LRRTM4: variants seen among roughly 807,000 people sequenced by gnomAD.
LRRTM4 encodes the protein leucine-rich repeat transmembrane neuronal protein 4.
Under a neutral mutation model 47.6 loss-of-function variants are expected in LRRTM4, and 25 were observed. The observed-to-expected ratio is 0.53, with a 90% CI of 0.38 to 0.73. The LOEUF (loss-of-function observed/expected upper bound fraction) is 0.73. LRRTM4 is among the 30% of genes least tolerant of loss of function. The pLI is 0.00. For missense variants in LRRTM4, 638 were observed against 713.4 expected (o/e 0.89, Z 1.20); for synonymous variants, 311 against 269.5 (o/e 1.15, Z -1.51).
intron 3 of LRRTM4, among the ~76,000 whole-genome samples, chr2:76,777,679 T>C (rs1280199159): frequency 6.6e-6 from 1 of 151,120 alleles, no homozygotes; most frequent in Non-Finnish European, 1.5e-5. Context: ...TGGGGTTTTC[T>C]AGATATACAA....
Position 77,521,824 on chromosome 2 carries a change from C to A in LRRTM4, c.-147-6G>T. On this transcript the variant is annotated splice_polypyrimidine_tract_variant and splice_region_variant and intron_variant, in intron 1 of 3. Coordinates refer to ENST00000409884, the MANE Select transcript of LRRTM4 (RefSeq NM_001134745.3). ...AGCTAGTAGCCCCATACAAACTTCC[C>A]CGAGAGGACAGGCAAAAAAAAAAAA... 1.8e-6 allele frequency: 1 copy of A among 542,614 alleles called. No individual in the cohort carries two copies. 33.6% of individuals were successfully genotyped at this position (542,614 alleles called of 1,614,324 possible). A position where few individuals can be genotyped will look rare whatever the true frequency, so the allele number is the denominator to read the frequency against.
intron 3 of LRRTM4, among the ~76,000 whole-genome samples, chr2:77,391,397 A>G (rs1673499382): frequency 6.6e-6 from 1 of 151,974 alleles, no homozygotes; most frequent in African/African-American, 2.4e-5. Context: ...TGTATATTTT[A>G]TTCATTAAAA....
intron 3 of LRRTM4, among the ~76,000 whole-genome samples, chr2:77,118,134 C>A (rs144737105): frequency 4.2e-4 from 64 of 151,922 alleles, no homozygotes; most frequent in African/African-American, 1.5e-3. Flanking sequence ...AAGGCCAGAG[C>A]TTTTGTCAAA....
chr2:77,084,687 A>T (rs565704780), intron 3 of LRRTM4, among the ~76,000 whole-genome samples: 154 of 152,302 alleles, frequency 1.0e-3, no homozygotes, highest in African/African-American at 3.6e-3. Context: ...TAACCTCTCT[A>T]AGCATCAGCT....
chr2:77,249,913 A>G (rs1292532752), intron 3 of LRRTM4, among the ~76,000 whole-genome samples: 1 of 152,240 alleles, frequency 6.6e-6, no homozygotes, highest in Non-Finnish European at 1.5e-5. Flanking sequence ...ACTTGAAAGC[A>G]ACTAAGATAC....
chr2:76,957,329 T>C (rs551097798), intron 3 of LRRTM4, among the ~76,000 whole-genome samples: 1 of 151,684 alleles, frequency 6.6e-6, no homozygotes, highest in Non-Finnish European at 1.5e-5. Flanking sequence ...TTTAGAGATA[T>C]GCTCTACAAC....
intron 3 of LRRTM4, among the ~76,000 whole-genome samples, chr2:77,031,280 T>TG (rs1268621509): frequency 3.9e-5 from 6 of 152,188 alleles, no homozygotes; most frequent in African/African-American, 7.2e-5. Context: ...TCATTAAGAA[T>TG]GGACTTCCAA....
intron 3 of LRRTM4, among the ~76,000 whole-genome samples, chr2:76,780,446 G>T (rs1172179606): frequency 6.6e-6 from 1 of 152,122 alleles, no homozygotes; most frequent in Admixed American, 6.5e-5. Context: ...ATTTCTTGGA[G>T]GCTTTGCTCA....
intron 3 of LRRTM4, among the ~76,000 whole-genome samples, chr2:76,871,307 C>G (rs1672617053): frequency 6.6e-6 from 1 of 152,106 alleles, no homozygotes; most frequent in Non-Finnish European, 1.5e-5. Flanking sequence ...GTTCAATCTT[C>G]TGATATTACA....
intron 3 of LRRTM4, among the ~76,000 whole-genome samples, chr2:77,179,508 T>C (rs1332677588): frequency 6.6e-6 from 1 of 152,168 alleles, no homozygotes; most frequent in Non-Finnish European, 1.5e-5. Flanking sequence ...AGGCATTACA[T>C]TGAGTAAGTA....
chr2:77,301,415 T>A (rs981972768), intron 3 of LRRTM4, among the ~76,000 whole-genome samples: 2 of 152,098 alleles, frequency 1.3e-5, no homozygotes, highest in Admixed American at 6.5e-5. Flanking sequence ...GAATGGCATT[T>A]CATGAGGTTT....
intron 3 of LRRTM4, among the ~76,000 whole-genome samples, chr2:77,161,004 A>C (rs1034877810): frequency 6.6e-6 from 1 of 152,190 alleles, no homozygotes; most frequent in Non-Finnish European, 1.5e-5. Flanking sequence ...CTTTTAAAGA[A>C]AAATGATCCT....
chr2:77,101,135 A>T (rs1307717515), intron 3 of LRRTM4, among the ~76,000 whole-genome samples: 1 of 152,052 alleles, frequency 6.6e-6, no homozygotes, highest in Admixed American at 6.6e-5. Context: ...AGTTAATCTT[A>T]CCATCTATAG....
chr2:77,372,047 T>C (rs1672673769), intron 3 of LRRTM4, among the ~76,000 whole-genome samples: 1 of 151,722 alleles, frequency 6.6e-6, no homozygotes, highest in Non-Finnish European at 1.5e-5. Flanking sequence ...AAATGGTGCA[T>C]GTGGTACTGT....
chr2:76,784,788 G>GT (rs1674584337), intron 3 of LRRTM4, among the ~76,000 whole-genome samples: 1 of 148,488 alleles, frequency 6.7e-6, no homozygotes, highest in South Asian at 2.1e-4. Flanking sequence ...TTTTTGTATG[G>GT]TTTTTTATTT....
intron 3 of LRRTM4, among the ~76,000 whole-genome samples, chr2:77,329,672 CAT>C (rs1240356187): frequency 6.6e-6 from 1 of 152,126 alleles, no homozygotes; most frequent in African/African-American, 2.4e-5. Context: ...CAGGTCAACA[CAT>C]GTCGCACATG....
chr2:76,748,896 G>A lies in LRRTM4; in HGVS notation c.1572C>T (p.Pro524=). 6.2e-7 allele frequency: 1 copy of A among 1,614,000 alleles called. No homozygotes were observed. Among genetic ancestry groups the A allele is most frequent in the Non-Finnish European group, 8.5e-7 (1 of 1,179,866 alleles). ...RECEMPHHMK[P]LPYYSYDQPV... ...GCTGGTCATAGCTGTAATATGGCAA[G>A]GGCTTCATGTGGTGTGGCATCTGGA... Residue 524 remains proline, a synonymous_variant, in exon 4 of 4, where the codon CCC becomes CCT. Coordinates refer to ENST00000409884, the MANE Select transcript of LRRTM4 (RefSeq NM_001134745.3).
intron 3 of LRRTM4, among the ~76,000 whole-genome samples, chr2:77,335,653 T>C (rs1038827175): frequency 6.6e-6 from 1 of 152,208 alleles, no homozygotes; most frequent in African/African-American, 2.4e-5. Flanking sequence ...TAAATAATAT[T>C]CATTTATCAT....
intron 3 of LRRTM4, among the ~76,000 whole-genome samples, chr2:77,420,708 A>T (rs1472325428): frequency 6.7e-6 from 1 of 149,138 alleles, no homozygotes; most frequent in African/African-American, 2.5e-5. Flanking sequence ...AGGAAATATA[A>T]TTCAGAGAAT....
Sources: gnomAD v4.1 joint callset for allele counts (sites outside exome capture counted in the v4.1 genomes callset) on GRCh38, gnomAD v4.1.1 for gene constraint, MANE v1.5 for transcripts, NCBI Gene and HGNC (gene_info 2026-07-23, HGNC 2026-07-21) for gene names.